Variants in ZBTB16 observed in about 807,000 individuals in gnomAD.
ZBTB16 encodes zinc finger and BTB domain-containing protein 16.
Under a neutral mutation model 56.8 loss-of-function variants are expected in ZBTB16, and 8 were observed. The ratio of observed to expected loss-of-function variants is 0.14; its 90% CI spans 0.08 to 0.25. The LOEUF is 0.25. Among genes scored for constraint, ZBTB16 ranks in the 10% least tolerant of loss-of-function variants. ZBTB16 has a pLI of 1.00. For synonymous variants in ZBTB16, 363 were observed against 368.5 expected, an observed-to-expected ratio of 0.98 and a Z score of 0.17; for missense variants, 625 against 903.0, an observed-to-expected ratio of 0.69 and a Z score of 3.95.
chr11:114,225,192 A>T (rs1944304948), intron 4 of ZBTB16, among the ~76,000 whole-genome samples: 1 of 152,172 alleles, frequency 6.6e-6, no homozygotes, highest in African/African-American at 2.4e-5. Flanking sequence ...TTCTAGGGAG[A>T]TTTTTGAAGA....
intron 3 of ZBTB16, among the ~76,000 whole-genome samples, chr11:114,161,963 G>A (rs1180279125): frequency 6.6e-6 from 1 of 152,238 alleles, no homozygotes; most frequent in Non-Finnish European, 1.5e-5. Flanking sequence ...CATTCTGCCA[G>A]GTGGGAGGCC....
rs910951571 is a variant in ZBTB16, at chr11:114,164,864, CCTT to C, written c.1366+8433_1366+8435del. ...ATTTATTTTTCAGCTCTTCTCTTCTCCTTCTATTTCTCCCCAATCTGCTTTCAT... is the reference window on the plus strand; with the variant it reads ...ATTTATTTTTCAGCTCTTCTCTTCTCCTATTTCTCCCCAATCTGCTTTCAT... On this transcript the variant is annotated intron_variant, in intron 3 of 6. Transcript: ENST00000335953. Among the ~76,000 whole-genome samples, 16 of 152,152 alleles carry C rather than the reference CCTT, an allele frequency of 1.1e-4. No homozygotes were observed. In the South Asian group the frequency reaches 3.3e-3, roughly 32 times the overall value.
chr11:114,199,938 C>A (rs975786587), intron 4 of ZBTB16, among the ~76,000 whole-genome samples: 1 of 152,060 alleles, frequency 6.6e-6, no homozygotes, highest in Non-Finnish European at 1.5e-5. Context: ...ACCATCCTGG[C>A]TAACATGGTG....
intron 2 of ZBTB16, among the ~76,000 whole-genome samples, chr11:114,111,305 A>G (rs1377652539): frequency 1.3e-5 from 2 of 152,192 alleles, no homozygotes; most frequent in Non-Finnish European, 2.9e-5. Flanking sequence ...TACCATTGGT[A>G]TTTAAGCACT....
At chr11:114,160,995 G>C (rs987116860) in intron 3 of ZBTB16, among the ~76,000 whole-genome samples, 1 of 152,134 alleles carries the variant, frequency 6.6e-6, no homozygotes, top group Admixed American at 6.5e-5. Flanking sequence ...GGAAGACTCT[G>C]AAACCTCCCT....
At position 114,173,382 on chromosome 11, in the gene ZBTB16, C is replaced by T. The variant is rs533630981; in HGVS notation, c.1367-13570C>T. 1.5e-3 allele frequency among the ~76,000 whole-genome samples: 223 copies of T among 152,176 alleles called. 1 individual carries two copies. Among genetic ancestry groups the T allele is most frequent in the African/African-American group, 4.9e-3 (205 of 41,498 alleles). ...GGGAGGGTGGCAGTCTCTGGAGCTC[C>T]GTGTCTGAGATGGGGATGGTGGGTG... is the stretch of plus-strand genomic sequence containing the variant. On this transcript the variant is annotated intron_variant, in intron 3 of 6. Coordinates refer to ENST00000335953, the MANE Select transcript of ZBTB16 (RefSeq NM_006006.6).
intron 4 of ZBTB16, among the ~76,000 whole-genome samples, chr11:114,236,624 T>C (rs565138335): frequency 6.6e-6 from 1 of 152,346 alleles, no homozygotes; most frequent in East Asian, 1.9e-4. Flanking sequence ...GTTTCATTTG[T>C]GGACTGTAGT....
intron 3 of ZBTB16, among the ~76,000 whole-genome samples, chr11:114,159,937 C>CGGCGGGGGG (rs1555145906): frequency 1.1e-5 from 1 of 93,838 alleles, no homozygotes; most frequent in Non-Finnish European, 2.0e-5. Context: ...GCGGGGGAGG[C>CGGCGGGGGG]GGGGGGGAGG....
intron 2 of ZBTB16, among the ~76,000 whole-genome samples, chr11:114,154,018 G>A (rs1056694079): frequency 1.6e-4 from 24 of 152,182 alleles, no homozygotes; most frequent in Non-Finnish European, 3.2e-4. Flanking sequence ...AGCCAATCCA[G>A]TTGGCCACGA....
At chr11:114,118,454 G>A (rs796674492) in intron 2 of ZBTB16, among the ~76,000 whole-genome samples, 1 of 152,302 alleles carries the variant, frequency 6.6e-6, no homozygotes, top group African/African-American at 2.4e-5. Context: ...GGGATTACAG[G>A]TGTGAGCCAC....
At chr11:114,166,229 TG>T (rs1942753000) in intron 3 of ZBTB16, among the ~76,000 whole-genome samples, 1 of 151,454 alleles carries the variant, frequency 6.6e-6, no homozygotes, top group Non-Finnish European at 1.5e-5. Context: ...TGTGTGTGTG[TG>T]TGTGTGTGTG....
At chr11:114,130,424 T>TTA (rs1248092460) in intron 2 of ZBTB16, among the ~76,000 whole-genome samples, 1 of 152,240 alleles carries the variant, frequency 6.6e-6, no homozygotes. Flanking sequence ...GACGTGGCAC[T>TTA]TGTGAATCTA....
chr11:114,158,802 C>A (rs1162929349), intron 3 of ZBTB16, among the ~76,000 whole-genome samples: 1 of 152,190 alleles, frequency 6.6e-6, no homozygotes, highest in Non-Finnish European at 1.5e-5. Flanking sequence ...ATCCTGTCCA[C>A]GTTATGTCCA....
chr11:114,097,822 A>G (rs1940472649), intron 2 of ZBTB16, among the ~76,000 whole-genome samples: 2 of 152,110 alleles, frequency 1.3e-5, no homozygotes, highest in East Asian at 1.9e-4. Flanking sequence ...GTTAAGGAAA[A>G]TCTTCCGCTC....
chr11:114,121,516 A>G (rs1591687282), intron 2 of ZBTB16, among the ~76,000 whole-genome samples: 4 of 152,270 alleles, frequency 2.6e-5, no homozygotes, highest in Middle Eastern at 6.8e-3. Flanking sequence ...CACCATGGCT[A>G]TTTCAGGATC....
chr11:114,199,832 A>T (rs1209945390), intron 4 of ZBTB16, among the ~76,000 whole-genome samples: 1 of 152,194 alleles, frequency 6.6e-6, no homozygotes, highest in Non-Finnish European at 1.5e-5. Flanking sequence ...GAACTACATA[A>T]AACCATACAT....
At chr11:114,145,629 G>T (rs1272901043) in intron 2 of ZBTB16, among the ~76,000 whole-genome samples, 3 of 152,184 alleles carry the variant, frequency 2.0e-5, no homozygotes, top group East Asian at 1.9e-4. Context: ...GTTGCCAAAG[G>T]CTGGGGGTTG....
intron 3 of ZBTB16, among the ~76,000 whole-genome samples, chr11:114,175,030 A>C (rs1490151833): frequency 6.6e-6 from 1 of 152,232 alleles, no homozygotes; most frequent in Non-Finnish European, 1.5e-5. Context: ...TTAGCAGCTT[A>C]ACTCTCTGAG....
At chr11:114,139,785 G>T (rs1591706596) in intron 2 of ZBTB16, among the ~76,000 whole-genome samples, 1 of 152,186 alleles carries the variant, frequency 6.6e-6, no homozygotes. Context: ...TGTCCGGAAG[G>T]CCCGTCACCC....
Sources: allele counts gnomAD v4.1 joint callset (sites outside exome capture counted in the v4.1 genomes callset), GRCh38; gene constraint gnomAD v4.1.1; transcripts MANE v1.5; gene names NCBI Gene and HGNC (gene_info 2026-07-23, HGNC 2026-07-21).